ARHGAP31: variants seen among roughly 807,000 people sequenced by gnomAD.
ARHGAP31 encodes Rho GTPase activating protein 31, also known as rho GTPase-activating protein 31.
In ARHGAP31, 34 loss-of-function variants were observed where a neutral mutation model predicts 113.9. That is an observed-to-expected ratio of 0.30 (90% CI 0.23 to 0.40). The LOEUF (loss-of-function observed/expected upper bound fraction) is 0.40. Among genes scored for constraint, ARHGAP31 ranks in the 10% least tolerant of loss-of-function variants. The probability of loss-of-function intolerance (pLI) is 1.00; values close to 1 mark genes in which losing one functional copy is unlikely to be tolerated. For missense variants in ARHGAP31, 1,548 were observed against 1,767.1 expected (o/e 0.88, Z 2.22); for synonymous variants, 650 against 684.8 (o/e 0.95, Z 0.79).
rs753847651 is a variant in ARHGAP31, at chr3:119,382,284, C to T, written c.432-8C>T. ...TTTCTTACTTTGTCAAAAAACAAAC[C>T]ATTCTAGGACCTTGGAATACCTGAT... On this transcript the variant is annotated splice_region_variant and splice_polypyrimidine_tract_variant and intron_variant, in intron 4 of 11. Coordinates refer to ENST00000264245, the MANE Select transcript of ARHGAP31 (RefSeq NM_020754.4). 2 of 1,613,586 alleles carry T rather than the reference C, an allele frequency of 1.2e-6. No individual in the cohort carries two copies. Among genetic ancestry groups the T allele is most frequent in the African/African-American group, 2.7e-5 (2 of 74,894 alleles).
rs1559996671 is a variant in ARHGAP31, at chr3:119,409,682, T to TGG, written c.1833_1834dup (p.Val612GlyfsTer41). 6.2e-7 allele frequency: 1 copy of TGG among 1,610,700 alleles called. No individual in the cohort carries two copies. The highest frequency in any genetic ancestry group is 8.5e-7 in the Non-Finnish European group (1 of 1,178,524). ...GAGAAGAGGCCAAATCCGGAGAAGG[T>TGG]GGTGGAGGAGGGACGAGAGGCTGGT... On this transcript the variant is annotated frameshift_variant, in exon 11 of 12. Transcript: ENST00000264245. LOFTEE classifies it high-confidence loss of function.
chr3:119,371,505 G>A (rs928651784), intron 3 of ARHGAP31, among the ~76,000 whole-genome samples: 40 of 152,082 alleles, frequency 2.6e-4, no homozygotes, highest in African/African-American at 8.5e-4. Flanking sequence ...TAACTATGTT[G>A]GAGAATGTAT....
chr3:119,415,337 G>A lies in ARHGAP31; in HGVS notation c.3408G>A (p.Glu1136=). Residue 1136 remains glutamate (E), a synonymous_variant, in exon 12 of 12, where the codon GAG becomes GAA. Coordinates refer to ENST00000264245, the MANE Select transcript of ARHGAP31 (RefSeq NM_020754.4). ...SFSSPGMQVS[E]PGDPKVTWMT... ...GTTCACCTGGAATGCAGGTCTCTGAGCCAGGAGACCCAAAGGTCACATGGA... is the reference window on the plus strand; with the variant it reads ...GTTCACCTGGAATGCAGGTCTCTGAACCAGGAGACCCAAAGGTCACATGGA... 1.9e-6 allele frequency: 3 copies of A among 1,614,118 alleles called. 1 individual carries two copies. Among genetic ancestry groups the A allele is most frequent in the South Asian group, 2.2e-5 (2 of 91,076 alleles).
intron 1 of ARHGAP31, among the ~76,000 whole-genome samples, chr3:119,308,729 GCATTATA>G: frequency 6.6e-6 from 1 of 152,346 alleles, no homozygotes; most frequent in South Asian, 2.1e-4. Context: ...TCTTTGAAGG[GCATTATA>G]CTGCTTACCG....
intron 7 of ARHGAP31, among the ~76,000 whole-genome samples, chr3:119,391,598 TC>T (rs1422804516): frequency 4.2e-4 from 37 of 87,094 alleles, no homozygotes; most frequent in African/African-American, 6.8e-4. Context: ...TACCCCCCCC[TC>T]CCCCCCGCCG....
chr3:119,304,809 T>TG (rs1172744905), intron 1 of ARHGAP31, among the ~76,000 whole-genome samples: 4 of 151,862 alleles, frequency 2.6e-5, no homozygotes, highest in Non-Finnish European at 4.4e-5. Context: ...GCGAAAGAAT[T>TG]GCTTGAACCC....
chr3:119,324,056 T>C (rs1406572337), intron 1 of ARHGAP31, among the ~76,000 whole-genome samples: 1 of 147,210 alleles, frequency 6.8e-6, no homozygotes, highest in Non-Finnish European at 1.5e-5. Flanking sequence ...TAAGTGGGGC[T>C]CTTGCCATCC....
rs75764457 is a variant in ARHGAP31, at chr3:119,402,349, G to A, written c.1597G>A (p.Gly533Arg). The A allele has an allele frequency of 6.1e-4, 980 of 1,613,832 alleles. 3 individuals are homozygous for A. The African/African-American group carries it at 0.012, about 20-fold the overall frequency. The change falls in exon 10 of 12, where the codon GGA becomes AGA. Residue 533 changes from glycine to arginine, a missense_variant. Physicochemically the swap from Gly to Arg is moderately radical, Grantham distance 125. Coordinates refer to ENST00000264245, the MANE Select transcript of ARHGAP31 (RefSeq NM_020754.4). The part of the protein sequence containing the change: ...EEFSFHGSES[G>R]GWPEEEKPLG... The stretch of plus-strand genomic sequence containing the variant: ...GTTTTCTTTTCATGGATCAGAGAGC[G>A]GAGGCTGGCCAGAAGAAGAGAAACC...
At chr3:119,395,388 CA>C (rs1199907141) in intron 8 of ARHGAP31, among the ~76,000 whole-genome samples, 1 of 152,174 alleles carries the variant, frequency 6.6e-6, no homozygotes, top group African/African-American at 2.4e-5. Context: ...GGGAAGGCTT[CA>C]GGGGGTTTAA....
intron 8 of ARHGAP31, among the ~76,000 whole-genome samples, chr3:119,395,583 C>T (rs1270424451): frequency 6.6e-6 from 1 of 152,132 alleles, no homozygotes; most frequent in African/African-American, 2.4e-5. Flanking sequence ...TGGTAGCTTG[C>T]TCCTAAGAGC....
At chr3:119,394,198 T>C (rs915230517) in intron 8 of ARHGAP31, among the ~76,000 whole-genome samples, 17 of 152,236 alleles carry the variant, frequency 1.1e-4, no homozygotes, top group Admixed American at 9.8e-4. Context: ...CAATATCTTA[T>C]TGCGTGTGAA....
Position 119,294,821 on chromosome 3 carries a change from T to A in ARHGAP31, c.-84T>A. The A allele has an allele frequency of 7.7e-7, 1 of 1,293,538 alleles. No individual in the cohort carries two copies. Among genetic ancestry groups the A allele is most frequent in the South Asian group, 1.2e-5 (1 of 84,402 alleles). The allele number at this position is 1,293,538 out of a possible 1,614,324, so 80.1% of individuals were successfully genotyped here. On this transcript the variant is annotated 5_prime_UTR_variant, in exon 1 of 12. The change abolishes the stop of an existing upstream ORF in the 5' untranslated region. Coordinates refer to ENST00000264245, the MANE Select transcript of ARHGAP31 (RefSeq NM_020754.4). Reference sequence around the variant, plus strand: ...CCCCCCAGAGCCGCGGGGCAGCCGGTGATCTAGCCCGGGAGCCCATCTTAC... The same window carrying A: ...CCCCCCAGAGCCGCGGGGCAGCCGGAGATCTAGCCCGGGAGCCCATCTTAC...
Position 119,419,777 on chromosome 3 carries a change from G to A in ARHGAP31, c.*3513G>A, listed in dbSNP as rs766339748. 1.3e-5 allele frequency: 2 copies of A among 152,106 alleles called. No homozygotes were observed. The highest frequency in any genetic ancestry group is 2.4e-5 in the African/African-American group (1 of 41,416). The allele number at this position is 152,106 out of a possible 1,614,324, so 9.4% of individuals were successfully genotyped here. On this transcript the variant is annotated 3_prime_UTR_variant, in exon 12 of 12. Transcript: ENST00000264245. Reference sequence around the variant, plus strand: ...AATAGAACATCCCAGTGAGACACTCGGGTATTTGAGAACTTTGCTTGATTT... The same window carrying A: ...AATAGAACATCCCAGTGAGACACTCAGGTATTTGAGAACTTTGCTTGATTT...
rs1011936666 is a variant in ARHGAP31, at chr3:119,390,988, G to A, written c.881+5G>A. 2 of 1,614,020 alleles carry A rather than the reference G, an allele frequency of 1.2e-6. No individual in the cohort carries two copies. The highest frequency in any genetic ancestry group is 8.5e-7 in the Non-Finnish European group (1 of 1,179,936). ...CCTTGAGTTACCAGACAACAAGTAA[G>A]TGGCACTCTTTTAAAAAATTCTAGG... On this transcript the variant is annotated splice_donor_5th_base_variant and intron_variant, in intron 7 of 11. Transcript: ENST00000264245.
intron 1 of ARHGAP31, among the ~76,000 whole-genome samples, chr3:119,335,698 T>C (rs1287591773): frequency 6.6e-6 from 1 of 152,144 alleles, no homozygotes; most frequent in Non-Finnish European, 1.5e-5. Context: ...GGCTGCAAGG[T>C]AAGATAGCCT....
chr3:119,343,544 C>T (rs1001231142), intron 1 of ARHGAP31, among the ~76,000 whole-genome samples: 7 of 152,202 alleles, frequency 4.6e-5, no homozygotes, highest in South Asian at 4.1e-4. Flanking sequence ...TCTTCCTCTT[C>T]GCTTTTCCAG....
chr3:119,391,606 G>GCC (rs1559990445), intron 7 of ARHGAP31, among the ~76,000 whole-genome samples: 32 of 108,964 alleles, frequency 2.9e-4, no homozygotes, highest in Admixed American at 3.7e-4. Flanking sequence ...CCTCCCCCCC[G>GCC]CCGTCACTCA....
At chr3:119,409,816 A>G (rs1211680531) in intron 11 of ARHGAP31, 40 bp downstream of exon 11, 4 of 1,542,290 alleles carry the variant, frequency 2.6e-6, no homozygotes, top group Non-Finnish European at 3.5e-6. Context: ...AGGTGGAGTT[A>G]TTTTTTCCCA....
chr3:119,304,844 A>G (rs1478873901), intron 1 of ARHGAP31, among the ~76,000 whole-genome samples: 1 of 152,026 alleles, frequency 6.6e-6, no homozygotes, highest in Admixed American at 6.6e-5. Flanking sequence ...TCACTGACCC[A>G]AGATGGCGCT....
Sources: gnomAD v4.1 joint callset for allele counts (sites outside exome capture counted in the v4.1 genomes callset) on GRCh38, gnomAD v4.1.1 for gene constraint, MANE v1.5 for transcripts, NCBI Gene and HGNC (gene_info 2026-07-23, HGNC 2026-07-21) for gene names.